Variants in ITGAL observed in about 807,000 individuals in gnomAD.
ITGAL encodes the protein integrin subunit alpha L, also known as integrin alpha-L.
A neutral mutation model predicts 138.4 loss-of-function variants in ITGAL; 68 were observed. That is an observed-to-expected ratio of 0.49 (90% CI 0.40 to 0.60). The LOEUF (loss-of-function observed/expected upper bound fraction) is 0.60, where lower values mean the gene tolerates loss of function less well. Among genes scored for constraint, ITGAL ranks in the 20% least tolerant of loss-of-function variants. The pLI is 0.00. For synonymous variants in ITGAL, 561 were observed against 584.3 expected (o/e 0.96, Z 0.57); for missense variants, 1,256 against 1,478.6 (o/e 0.85, Z 2.47).
chr16:30,493,593 A>G (rs1442157470), intron 11 of ITGAL, among the ~76,000 whole-genome samples: 2 of 152,080 alleles, frequency 1.3e-5, no homozygotes, highest in African/African-American at 4.8e-5. Context: ...TTAATTTATT[A>G]TTTAAGAAAA....
Position 30,494,354 on chromosome 16 carries a change from T to G in ITGAL, c.1356T>G (p.His452Gln). The change falls in exon 12 of 31, where the codon CAT becomes CAG. Residue 452 changes from histidine (H) to glutamine (Q), a missense_variant. Physicochemically the swap from His to Gln is conservative, Grantham distance 24. This residue lies in a region of ITGAL where 867 missense variants were observed against 972.5 expected (regional missense o/e 0.89). Transcript: ENST00000356798. The surrounding 1 kb of genome is among the most constrained non-coding windows in gnomAD (Gnocchi z 4.2). ...ACTGGAGCCAGGTCCAGACAATCCA[T>G]GGGACCCAGGTGCGCCCAGTCCGAG... ...GGHWSQVQTI[H>Q]GTQIGSYFGG... 6.2e-7 allele frequency: 1 copy of G among 1,607,754 alleles called. No individual in the cohort carries two copies. The highest frequency in any genetic ancestry group is 8.5e-7 in the Non-Finnish European group (1 of 1,175,432).
chr16:30,502,198 C>T (rs188479593), intron 17 of ITGAL, among the ~76,000 whole-genome samples: 151 of 149,780 alleles, frequency 1.0e-3, no homozygotes, highest in African/African-American at 2.4e-3. Flanking sequence ...GAGATTGAGA[C>T]CATCCTGGCT....
intron 24 of ITGAL, among the ~76,000 whole-genome samples, chr16:30,511,366 G>C (rs2051089241): frequency 6.6e-6 from 1 of 152,208 alleles, no homozygotes; most frequent in Non-Finnish European, 1.5e-5. Context: ...GGAAGAAAAA[G>C]CTCATTGAAC....
intron 11 of ITGAL, among the ~76,000 whole-genome samples, chr16:30,490,977 A>G (rs2050716878): frequency 6.6e-6 from 1 of 151,736 alleles, no homozygotes; most frequent in East Asian, 1.9e-4. Context: ...CTCAAAAAAA[A>G]AAAAAAAATT....
chr16:30,499,733 A>ACATATATATATATATATATATTTTTTTT (rs2050862772), intron 17 of ITGAL, among the ~76,000 whole-genome samples: 1 of 88,388 alleles, frequency 1.1e-5, no homozygotes, highest in African/African-American at 6.0e-5. Flanking sequence ...ATATATATAT[A>ACATATATATATATATATATATTTTTTTT]TTTTTTTTTT....
chr16:30,485,355 C>T (rs1202737588), intron 9 of ITGAL, among the ~76,000 whole-genome samples: 1 of 127,350 alleles, frequency 7.9e-6, no homozygotes, highest in Admixed American at 8.7e-5. Flanking sequence ...GCCTCCCGAG[C>T]AGCTGGGACT....
chr16:30,499,554 T>A, intron 17 of ITGAL, 65 bp downstream of exon 17: 1 of 1,529,328 alleles, frequency 6.5e-7, no homozygotes, highest in East Asian at 2.3e-5. Context: ...GCTCCGTCAC[T>A]GTCCAGTGGG....
At chr16:30,476,025 C>T (rs911455135) in intron 4 of ITGAL, among the ~76,000 whole-genome samples, 11 of 151,996 alleles carry the variant, frequency 7.2e-5, no homozygotes, top group African/African-American at 2.4e-4. Context: ...CCGAGGCAGG[C>T]GGATCACGAG....
intron 17 of ITGAL, among the ~76,000 whole-genome samples, chr16:30,500,721 T>A (rs1176346585): frequency 6.6e-6 from 1 of 152,034 alleles, no homozygotes; most frequent in Non-Finnish European, 1.5e-5. Context: ...GGATAATTTT[T>A]AAAAATGTTT....
chr16:30,474,194 A>T lies in ITGAL; in HGVS notation c.62-2A>T. 6.3e-7 allele frequency: 1 copy of T among 1,595,194 alleles called. No homozygotes were observed. The highest frequency in any genetic ancestry group is 2.3e-5 in the East Asian group (1 of 43,986). On this transcript the variant is annotated splice_acceptor_variant, in intron 1 of 30. Transcript: ENST00000356798. LOFTEE classifies it high-confidence loss of function. Reference sequence around the variant, plus strand: ...GCAGCTGACGACCCTTGCCTTCCTCAGCGCCGGCCTCGAGCTACAACCTGG... The same window carrying T: ...GCAGCTGACGACCCTTGCCTTCCTCTGCGCCGGCCTCGAGCTACAACCTGG...
intron 18 of ITGAL, 74 bp from the exon 19 acceptor site, chr16:30,505,170 C>T (rs920734877): frequency 6.4e-6 from 9 of 1,401,690 alleles, no homozygotes; most frequent in African/African-American, 4.3e-5. Context: ...CCTGCCCCTC[C>T]AGCTCTCCTT....
At chr16:30,481,866 TTTTG>T (rs909223968) in intron 7 of ITGAL, among the ~76,000 whole-genome samples, 1 of 151,844 alleles carries the variant, frequency 6.6e-6, no homozygotes, top group Admixed American at 6.6e-5. Context: ...GCCCAGAAGT[TTTTG>T]TTTGTTTGTT....
At position 30,481,425 on chromosome 16, in the gene ITGAL, C is replaced by T; in HGVS notation, c.577-14C>T. The T allele has an allele frequency of 2.5e-6, 4 of 1,600,690 alleles. No individual in the cohort carries two copies. In the South Asian group the frequency reaches 4.4e-5, roughly 18 times the overall value. ...GATATATAACTGAATGTCATTTCTT[C>T]CTTCCTTTTCTAGTTTGCTGCTGTT... On this transcript the variant is annotated splice_polypyrimidine_tract_variant and intron_variant, in intron 6 of 30. Coordinates refer to ENST00000356798, the MANE Select transcript of ITGAL (RefSeq NM_002209.3).
intron 18 of ITGAL, among the ~76,000 whole-genome samples, chr16:30,504,505 C>T (rs1287991607): frequency 6.6e-6 from 1 of 151,978 alleles, no homozygotes; most frequent in Non-Finnish European, 1.5e-5. Flanking sequence ...GAGTTTGAGA[C>T]CAGCCTGGGC....
intron 4 of ITGAL, 51 bp downstream of exon 4, chr16:30,475,631 G>A (rs1264210117): frequency 7.4e-7 from 1 of 1,344,264 alleles, no homozygotes; most frequent in East Asian, 2.4e-5. Flanking sequence ...CTCAATTCAA[G>A]TAATGAGAGA....
In ITGAL at chr16:30,510,944, C is replaced by T. The variant is rs1212877656; in HGVS notation, c.2683C>T (p.His895Tyr). The stretch of plus-strand genomic sequence containing the variant: ...CTCCTGGGGGGACTCGGTTGAATTG[C>T]ACGCCAATGTGACCTGGTGAGCAGG... Reference protein sequence around the residue: ...NSSWGDSVELHANVTCNNEDS... With the variant: ...NSSWGDSVELYANVTCNNEDS... Residue 895 changes from histidine (H) to tyrosine (Y), a missense_variant, in exon 23 of 31, where the codon CAC becomes TAC. Physicochemically the swap from His to Tyr is moderately conservative, Grantham distance 83. This residue lies in a region of ITGAL where 867 missense variants were observed against 972.5 expected (regional missense o/e 0.89). Coordinates refer to ENST00000356798, the MANE Select transcript of ITGAL (RefSeq NM_002209.3). 1.2e-6 allele frequency: 2 copies of T among 1,614,024 alleles called. No homozygotes were observed. The highest frequency in any genetic ancestry group is 1.7e-6 in the Non-Finnish European group (2 of 1,179,966).
chr16:30,513,646 G>T (rs1190264850), intron 24 of ITGAL, 125 bp from the exon 25 acceptor site: 15 of 699,230 alleles, frequency 2.1e-5, no homozygotes, highest in Non-Finnish European at 3.6e-5. Context: ...AGAGCAGGTT[G>T]TGGTAGGGAT....
intron 4 of ITGAL, 116 bp downstream of exon 4, chr16:30,475,696 G>T: frequency 3.8e-6 from 2 of 526,116 alleles, no homozygotes; most frequent in Non-Finnish European, 7.2e-6. Flanking sequence ...AGGCATCAGA[G>T]TCAATTAGTG....
In ITGAL at chr16:30,499,489, G is replaced by A. The variant is rs200919732; in HGVS notation, c.2145G>A (p.Pro715=). 49 of 1,613,220 alleles carry A rather than the reference G, an allele frequency of 3.0e-5. No individual in the cohort carries two copies. In the South Asian group the frequency reaches 3.2e-4, roughly 10 times the overall value. ...MSCTDFSFHF[P]VCVQDLISPI... ...GCACTGACTTCTCATTTCATTTCCC[G>A]GTAAGGGAGCCAGCGCCAATGCTCT... Residue 715 remains proline, a splice_region_variant and synonymous_variant, in exon 17 of 31, where the codon CCG becomes CCA. Transcript: ENST00000356798.
Sources: allele counts gnomAD v4.1 joint callset (sites outside exome capture counted in the v4.1 genomes callset), GRCh38; gene constraint gnomAD v4.1.1; regional missense constraint gnomAD v4.1.1; non-coding constraint Gnocchi (gnomAD v3.1); transcripts MANE v1.5; gene names NCBI Gene and HGNC (gene_info 2026-07-23, HGNC 2026-07-21).